XPNPEP3: variants seen among roughly 807,000 people sequenced by gnomAD.
The protein encoded by XPNPEP3 is X-prolyl aminopeptidase 3, also known as xaa-Pro aminopeptidase 3.
Under a neutral mutation model 60.0 loss-of-function variants are expected in XPNPEP3, and 41 were observed. The observed-to-expected ratio is 0.68, with a 90% CI of 0.53 to 0.89. The LOEUF (loss-of-function observed/expected upper bound fraction) is 0.89. Ranked by LOEUF, XPNPEP3 falls within the 40% of genes least tolerant of loss-of-function variation. XPNPEP3 has a pLI of 0.00. For missense variants in XPNPEP3, 598 were observed against 638.9 expected, an observed-to-expected ratio of 0.94 and a Z score of 0.69; for synonymous variants, 212 against 223.2, an observed-to-expected ratio of 0.95 and a Z score of 0.45.
intron 9 of XPNPEP3, 116 bp downstream of exon 9, chr22:40,924,598 A>C: frequency 7.0e-7 from 1 of 1,421,624 alleles, no homozygotes; most frequent in Non-Finnish European, 9.7e-7. Context: ...ATCTTCACTC[A>C]CTGCAACCTC....
chr22:40,915,331 T>G (rs1440810152), intron 7 of XPNPEP3, among the ~76,000 whole-genome samples: 1 of 152,032 alleles, frequency 6.6e-6, no homozygotes, highest in Non-Finnish European at 1.5e-5. Flanking sequence ...TCCCAGGACT[T>G]TGGGAGCCCA....
chr22:40,908,356 T>G (rs770394969), intron 5 of XPNPEP3, among the ~76,000 whole-genome samples: 2 of 152,008 alleles, frequency 1.3e-5, no homozygotes, highest in African/African-American at 2.4e-5. Flanking sequence ...CTCATCACTA[T>G]AAAAATAAAA....
chr22:40,872,962 A>G (rs1319936080), intron 2 of XPNPEP3, among the ~76,000 whole-genome samples: 1 of 152,100 alleles, frequency 6.6e-6, no homozygotes, highest in Non-Finnish European at 1.5e-5. Flanking sequence ...CATTCTTAAA[A>G]TTAGTTTTAG....
chr22:40,910,117 A>G (rs898327049), intron 6 of XPNPEP3, among the ~76,000 whole-genome samples: 3 of 151,762 alleles, frequency 2.0e-5, no homozygotes, highest in African/African-American at 7.2e-5. Flanking sequence ...TGTAAATTAT[A>G]CAGCATAATT....
intron 7 of XPNPEP3, 30 bp from the exon 8 acceptor site, chr22:40,922,303 G>T: frequency 6.2e-7 from 1 of 1,613,274 alleles, no homozygotes. Context: ...GATTATCTAA[G>T]TTCAGGTTCT....
chr22:40,895,183 T>C lies in XPNPEP3; in HGVS notation c.792+8668T>C, dbSNP rs1012072989. ...AGGAGGGATCCTAGGAGGAAAAGAC[T>C]ACTTGCTCATGAATCTGATGATTCT... On this transcript the variant is annotated intron_variant, in intron 4 of 9. Transcript: ENST00000357137. Among the ~76,000 whole-genome samples the C allele has an allele frequency of 2.0e-5, 3 of 152,170 alleles. No homozygotes were observed. In the East Asian group the frequency reaches 5.8e-4, roughly 30 times the overall value.
In XPNPEP3 at chr22:40,898,167, G is replaced by A. The variant is rs148199933; in HGVS notation, c.793-9420G>A. Among the ~76,000 whole-genome samples, 1,163 of 146,374 alleles carry A rather than the reference G, an allele frequency of 7.9e-3. 15 individuals carry two copies. The highest frequency in any genetic ancestry group is 0.028 in the African/African-American group (1,108 of 39,786). ...ATATTACCAAATCCAGTGTCATAAAGGTATTCCCCTATGTTTTCTTCTAAG... is the reference window on the plus strand; with the variant it reads ...ATATTACCAAATCCAGTGTCATAAAAGTATTCCCCTATGTTTTCTTCTAAG... On this transcript the variant is annotated intron_variant, in intron 4 of 9. Transcript: ENST00000357137.
At chr22:40,884,279 T>C (rs1322294038) in intron 3 of XPNPEP3, among the ~76,000 whole-genome samples, 2 of 152,124 alleles carry the variant, frequency 1.3e-5, no homozygotes, top group Non-Finnish European at 2.9e-5. Context: ...TAATTCAGTA[T>C]AGTTACAATC....
chr22:40,860,738 T>G (rs976615474), intron 1 of XPNPEP3: 18 of 819,692 alleles, frequency 2.2e-5, no homozygotes, highest in Middle Eastern at 2.2e-4. Flanking sequence ...CTGCAACCTA[T>G]GTCTTCCAGG....
At chr22:40,917,593 A>T (rs1055949539) in intron 7 of XPNPEP3, 4 of 152,102 alleles carry the variant, frequency 2.6e-5, no homozygotes, top group Admixed American at 1.3e-4. Flanking sequence ...TTATATATCA[A>T]TAAAAATGAT....
rs118147837 is a variant in XPNPEP3, at chr22:40,919,534, T to C, written c.1056-2799T>C. On this transcript the variant is annotated intron_variant, in intron 7 of 9. Transcript: ENST00000357137. Reference sequence around the variant, plus strand: ...CACGTGCCACCATGCCTGGCTAATATTTTGTTTTTTTGTAGAGACACGGTT... The same window carrying C: ...CACGTGCCACCATGCCTGGCTAATACTTTGTTTTTTTGTAGAGACACGGTT... Among the ~76,000 whole-genome samples the C allele has an allele frequency of 4.9e-4, 75 of 152,284 alleles. 1 individual carries two copies. In the East Asian group the frequency reaches 0.012, roughly 24 times the overall value.
At chr22:40,862,700 G>GT in intron 1 of XPNPEP3, 1 of 985,452 alleles carries the variant, frequency 1.0e-6, no homozygotes, top group South Asian at 4.7e-5. Context: ...TGAGATTATA[G>GT]TATCTTTGTC....
chr22:40,873,296 G>A (rs950601903), intron 2 of XPNPEP3, among the ~76,000 whole-genome samples: 1 of 150,418 alleles, frequency 6.6e-6, no homozygotes, highest in Non-Finnish European at 1.5e-5. Flanking sequence ...GTAGAGAGGG[G>A]GTTTCACCAT....
rs1422499432 is a variant in XPNPEP3 at position 40,929,163 on chromosome 22, TTTC to T, written c.*2734_*2736del. 1 of 152,296 alleles carries T rather than the reference TTTC, an allele frequency of 6.6e-6. No homozygotes were observed. The highest frequency in any genetic ancestry group is 1.5e-5 in the Non-Finnish European group (1 of 68,230). 9.4% of individuals were successfully genotyped at this position (152,296 alleles called of 1,614,324 possible). The stretch of plus-strand genomic sequence containing the variant: ...GTAATCCAGGAATAAGGAATTTCCT[TTTC>T]TTCTTGTATCATTTTCTTTTCTTTT... On this transcript the variant is annotated 3_prime_UTR_variant, in exon 10 of 10. Coordinates refer to ENST00000357137, the MANE Select transcript of XPNPEP3 (RefSeq NM_022098.4).
At chr22:40,915,990 A>C (rs2058194684) in intron 7 of XPNPEP3, among the ~76,000 whole-genome samples, 1 of 152,110 alleles carries the variant, frequency 6.6e-6, no homozygotes, top group South Asian at 2.1e-4. Flanking sequence ...AATCAAGAAA[A>C]TCTGATAATG....
At chr22:40,861,226 C>T (rs1205973538) in intron 1 of XPNPEP3, 4 of 1,613,966 alleles carry the variant, frequency 2.5e-6, no homozygotes, top group Non-Finnish European at 3.4e-6. Flanking sequence ...TATTGAGATA[C>T]ATGTTTGGAG....
intron 1 of XPNPEP3, among the ~76,000 whole-genome samples, chr22:40,858,374 C>G (rs1759930646): frequency 6.6e-6 from 1 of 152,102 alleles, no homozygotes; most frequent in Non-Finnish European, 1.5e-5. Context: ...GCCACCGCCC[C>G]AGGCCTGGAA....
intron 1 of XPNPEP3, chr22:40,860,960 A>C: frequency 1.8e-6 from 2 of 1,094,424 alleles, no homozygotes; most frequent in Non-Finnish European, 2.6e-6. Flanking sequence ...TCCTGCTAAA[A>C]GTGTTGAAAA....
At chr22:40,857,573 C>T (rs1299660184) in intron 1 of XPNPEP3, among the ~76,000 whole-genome samples, 1 of 152,274 alleles carries the variant, frequency 6.6e-6, no homozygotes, top group African/African-American at 2.4e-5. Flanking sequence ...CATCAAGTAG[C>T]TCTTGTTTCT....
Sources: gnomAD v4.1 joint callset for allele counts (sites outside exome capture counted in the v4.1 genomes callset) on GRCh38, gnomAD v4.1.1 for gene constraint, MANE v1.5 for transcripts, NCBI Gene and HGNC (gene_info 2026-07-23, HGNC 2026-07-21) for gene names.